The following SMAP1 variants were observed in gnomAD, a reference collection of about 807,000 sequenced individuals.
SMAP1 encodes the protein small ArfGAP 1, also known as stromal membrane-associated protein 1.
SMAP1 carries 24 observed loss-of-function variants against 58.5 expected under a neutral mutation model. The ratio of observed to expected loss-of-function variants is 0.41; its 90% CI spans 0.30 to 0.58. The LOEUF is 0.58. Ranked by LOEUF, SMAP1 falls within the 20% of genes least tolerant of loss-of-function variation. SMAP1 has a pLI of 0.29. For missense variants in SMAP1, 563 were observed against 566.3 expected, an observed-to-expected ratio of 0.99 and a Z score of 0.06; for synonymous variants, 216 against 196.6, an observed-to-expected ratio of 1.10 and a Z score of -0.82.
chr6:70,858,236 G>T lies in SMAP1; in HGVS notation c.1269+7G>T. ...CCAGTGGAGCCTCTCACAGGTAGGG[G>T]TCATTTACTTTCTAGCTTCTCCCAA... On this transcript the variant is annotated splice_region_variant and intron_variant, in intron 10 of 10. Coordinates refer to ENST00000370455, the MANE Select transcript of SMAP1 (RefSeq NM_001044305.3). 8.8e-6 allele frequency: 14 copies of T among 1,599,700 alleles called. No homozygotes were observed. The highest frequency in any genetic ancestry group is 1.2e-5 in the Non-Finnish European group (14 of 1,173,122).
intron 7 of SMAP1, among the ~76,000 whole-genome samples, chr6:70,846,601 TG>T (rs1208704515): frequency 6.6e-6 from 1 of 152,164 alleles, no homozygotes; most frequent in Admixed American, 6.5e-5. Context: ...TGACCCGCTG[TG>T]GGTGGTATGG....
chr6:70,765,816 A>C (rs1766950362), intron 3 of SMAP1, among the ~76,000 whole-genome samples: 1 of 152,008 alleles, frequency 6.6e-6, no homozygotes, highest in South Asian at 2.1e-4. Flanking sequence ...ACATATGTAT[A>C]CATGTGCCAT....
intron 1 of SMAP1, chr6:70,668,646 T>C (rs1766138996): frequency 1.3e-6 from 2 of 1,535,782 alleles, no homozygotes; most frequent in African/African-American, 1.4e-5. Context: ...CCTACCTGCC[T>C]GCCCACCTGA....
intron 2 of SMAP1, among the ~76,000 whole-genome samples, chr6:70,733,745 G>T (rs934905000): frequency 1.6e-4 from 25 of 152,172 alleles, no homozygotes; most frequent in African/African-American, 6.0e-4. Flanking sequence ...TTTGTAATGG[G>T]TTATGGAGGT....
chr6:70,853,593 A>T (rs1358411518), intron 8 of SMAP1, among the ~76,000 whole-genome samples: 1 of 152,214 alleles, frequency 6.6e-6, no homozygotes, highest in Non-Finnish European at 1.5e-5. Flanking sequence ...TTATATAGTT[A>T]CCATTAGAAT....
intron 6 of SMAP1, among the ~76,000 whole-genome samples, chr6:70,810,144 T>A (rs1434354991): frequency 6.6e-6 from 1 of 152,176 alleles, no homozygotes; most frequent in Non-Finnish European, 1.5e-5. Context: ...AATTGGTAAA[T>A]GTATGTTTCC....
chr6:70,791,165 CTCT>C (rs370218465), intron 4 of SMAP1, among the ~76,000 whole-genome samples: 9 of 151,950 alleles, frequency 5.9e-5, no homozygotes, highest in African/African-American at 2.2e-4. Flanking sequence ...CATTAATCTG[CTCT>C]TCTTTTCTCC....
chr6:70,667,943 C>A lies in SMAP1; in HGVS notation c.-81C>A. 4 of 1,267,592 alleles carry A rather than the reference C, an allele frequency of 3.2e-6. No individual in the cohort carries two copies. Among genetic ancestry groups the A allele is most frequent in the Non-Finnish European group, 4.4e-6 (4 of 917,144 alleles). 78.5% of individuals were successfully genotyped at this position (1,267,592 alleles called of 1,614,324 possible). A position where few individuals can be genotyped will look rare whatever the true frequency, so the allele number is the denominator to read the frequency against. The stretch of plus-strand genomic sequence containing the variant: ...GAGTCCGCCCGCGGTCCCGGCGGCG[C>A]CAGGTGCGTTCACTCTGCCCGGCTC... On this transcript the variant is annotated 5_prime_UTR_variant, in exon 1 of 11. Coordinates refer to ENST00000370455, the MANE Select transcript of SMAP1 (RefSeq NM_001044305.3).
At chr6:70,821,214 C>T (rs995956707) in intron 6 of SMAP1, among the ~76,000 whole-genome samples, 12 of 152,124 alleles carry the variant, frequency 7.9e-5, no homozygotes, top group African/African-American at 2.9e-4. Context: ...GTAATCATAC[C>T]ATGCAACTCT....
chr6:70,745,292 T>A (rs549295479), intron 2 of SMAP1, among the ~76,000 whole-genome samples: 1 of 152,334 alleles, frequency 6.6e-6, no homozygotes, highest in South Asian at 2.1e-4. Flanking sequence ...TCTTATAGGG[T>A]TTTTATGGTT....
chr6:70,679,716 A>G (rs967351662), intron 1 of SMAP1, among the ~76,000 whole-genome samples: 12 of 152,362 alleles, frequency 7.9e-5, no homozygotes, highest in African/African-American at 2.9e-4. Context: ...AGAGAAATTA[A>G]TGAATACTGT....
intron 1 of SMAP1, among the ~76,000 whole-genome samples, chr6:70,728,961 A>G (rs756966793): frequency 2.0e-5 from 3 of 151,910 alleles, no homozygotes; most frequent in East Asian, 1.9e-4. Flanking sequence ...TCTTAGCCCA[A>G]TTACTCTTGA....
At chr6:70,822,488 G>A (rs534970061) in intron 6 of SMAP1, among the ~76,000 whole-genome samples, 3 of 152,216 alleles carry the variant, frequency 2.0e-5, no homozygotes, top group African/African-American at 7.2e-5. Flanking sequence ...TAACCAATAT[G>A]CTATATGGCT....
chr6:70,798,157 T>A (rs1438732285), intron 5 of SMAP1, among the ~76,000 whole-genome samples: 1 of 152,038 alleles, frequency 6.6e-6, no homozygotes, highest in African/African-American at 2.4e-5. Flanking sequence ...AAATCTATGA[T>A]AATGGACTGA....
At chr6:70,859,866 A>G (rs1180277611) in intron 10 of SMAP1, 1 of 199,110 alleles carries the variant, frequency 5.0e-6, no homozygotes, top group Non-Finnish European at 1.0e-5. Context: ...TTTACTTCCT[A>G]AAATTTTCTT....
chr6:70,829,745 G>A (rs1225933651), intron 6 of SMAP1, among the ~76,000 whole-genome samples: 1 of 152,168 alleles, frequency 6.6e-6, no homozygotes, highest in Non-Finnish European at 1.5e-5. Flanking sequence ...TGAGATGTCA[G>A]TTTTAAAAGA....
Position 70,798,749 on chromosome 6 carries a change from T to G in SMAP1, c.576+12T>G. 1 of 1,534,974 alleles carries G rather than the reference T, an allele frequency of 6.5e-7. No homozygotes were observed. Among genetic ancestry groups the G allele is most frequent in the Non-Finnish European group, 8.8e-7 (1 of 1,142,020 alleles). On this transcript the variant is annotated intron_variant, in intron 6 of 10. Coordinates refer to ENST00000370455, the MANE Select transcript of SMAP1 (RefSeq NM_001044305.3). Reference sequence around the variant, plus strand: ...TTACAGCTGAAAAGGTAAAATTCTTTTTTTAAAAATAATCTATTAGGATTA... The same window carrying G: ...TTACAGCTGAAAAGGTAAAATTCTTGTTTTAAAAATAATCTATTAGGATTA...
rs138556711 is a variant in SMAP1 at position 70,714,015 on chromosome 6, C to G, written c.119-18363C>G. ...AATGACCTTTTTTTGTCTCTAGAGACAGTTTTTGACTTACAGTGTACTTCG... is the reference window on the plus strand; with the variant it reads ...AATGACCTTTTTTTGTCTCTAGAGAGAGTTTTTGACTTACAGTGTACTTCG... On this transcript the variant is annotated intron_variant, in intron 1 of 10. Transcript: ENST00000370455. 4.3e-3 allele frequency among the ~76,000 whole-genome samples: 652 copies of G among 152,232 alleles called. 3 individuals carry two copies. The highest frequency in any genetic ancestry group is 0.013 in the African/African-American group (560 of 41,534).
At chr6:70,717,998 T>C (rs1394470478) in intron 1 of SMAP1, among the ~76,000 whole-genome samples, 3 of 152,210 alleles carry the variant, frequency 2.0e-5, no homozygotes, top group South Asian at 2.1e-4. Context: ...CAGATTGTTA[T>C]AGAAGCAATG....
Sources: allele counts gnomAD v4.1 joint callset (sites outside exome capture counted in the v4.1 genomes callset), GRCh38; gene constraint gnomAD v4.1.1; transcripts MANE v1.5; gene names NCBI Gene and HGNC (gene_info 2026-07-23, HGNC 2026-07-21).